DENND4A: variants seen among roughly 807,000 people sequenced by gnomAD.
DENND4A encodes C-myc promoter-binding protein.
DENND4A carries 70 observed loss-of-function variants against 199.3 expected under a neutral mutation model. The ratio of observed to expected loss-of-function variants is 0.35; its 90% CI spans 0.29 to 0.43. DENND4A has a LOEUF of 0.43. Among genes scored for constraint, DENND4A ranks in the 20% least tolerant of loss-of-function variants. The pLI is 1.00. For missense variants in DENND4A, 1,723 were observed against 2,255.8 expected (o/e 0.76, Z 4.78); for synonymous variants, 686 against 766.9 (o/e 0.89, Z 1.74).
At chr15:65,701,239 G>C in intron 18 of DENND4A, 47 bp from the exon 19 acceptor site, 3 of 1,410,344 alleles carry the variant, frequency 2.1e-6, no homozygotes, top group Non-Finnish European at 2.8e-6. Flanking sequence ...ATTTTTATAA[G>C]TGAACATATA....
chr15:65,744,911 T>G (rs62014404), intron 4 of DENND4A, among the ~76,000 whole-genome samples: 1 of 152,318 alleles, frequency 6.6e-6, no homozygotes, highest in Non-Finnish European at 1.5e-5. Flanking sequence ...AGGTAACGAC[T>G]AAAACTTTGG....
intron 25 of DENND4A, among the ~76,000 whole-genome samples, chr15:65,670,979 TA>T (rs2076198760): frequency 2.0e-5 from 3 of 152,184 alleles, no homozygotes; most frequent in Non-Finnish European, 2.9e-5. Context: ...AGTGAAAAAG[TA>T]TAACTTTTTC....
intron 14 of DENND4A, among the ~76,000 whole-genome samples, chr15:65,706,509 T>TA (rs1555422316): frequency 0.065 from 6,070 of 93,668 alleles, 206 homozygotes; most frequent in East Asian, 0.35. Flanking sequence ...TATATATATA[T>TA]TTTTTTTTGA....
At chr15:65,665,731 T>G (rs1388178848) in intron 29 of DENND4A, among the ~76,000 whole-genome samples, 1 of 152,188 alleles carries the variant, frequency 6.6e-6, no homozygotes, top group Non-Finnish European at 1.5e-5. Flanking sequence ...CTCTTGCTCA[T>G]GATTGAAAGT....
rs369290999 is a variant in DENND4A, at chr15:65,722,979, G to A, written c.1488-31C>T. The A allele has an allele frequency of 6.5e-6, 10 of 1,541,606 alleles. No homozygotes were observed. In the African/African-American group the frequency reaches 1.4e-4, roughly 21 times the overall value. On this transcript the variant is annotated intron_variant, in intron 11 of 32. Transcript: ENST00000443035. ...ATTAAATAACAACAGGAATATATTTGTTACATGGTCTTTTGGAGGGGAAAG... is the reference window on the plus strand; with the variant it reads ...ATTAAATAACAACAGGAATATATTTATTACATGGTCTTTTGGAGGGGAAAG...
chr15:65,717,363 T>C (rs1051982045), intron 13 of DENND4A, among the ~76,000 whole-genome samples: 8 of 152,240 alleles, frequency 5.3e-5, no homozygotes, highest in African/African-American at 1.7e-4. Flanking sequence ...TTGTAAATAT[T>C]TGTAAAGTAC....
rs376339118 is a variant in DENND4A at position 65,729,126 on chromosome 15, T to C, written c.1433A>G (p.Tyr478Cys). ...ACAACTGACATCTGGTGGAGGATCA[T>C]AGAGATCAAAGTATCTTGAATCAAT... ...VGIDSRYFDL[Y>C]DPPPDVSCVD... is the part of the protein sequence containing the mutation. Residue 478 changes from tyrosine to cysteine, a missense_variant, in exon 11 of 33, where the codon TAT becomes TGT. Tyr to Cys is a radical substitution (Grantham distance 194, BLOSUM62 -2). Around this residue, in one of 6 missense-constraint regions of DENND4A, gnomAD observed 725 missense variants for 952.9 expected, o/e 0.76. Transcript: ENST00000443035. The C allele has an allele frequency of 5.6e-6, 9 of 1,593,532 alleles. No individual in the cohort carries two copies. In the African/African-American group the frequency reaches 8.0e-5, roughly 14 times the overall value.
chr15:65,743,411 T>G (rs2076308915), intron 4 of DENND4A, among the ~76,000 whole-genome samples: 2 of 152,208 alleles, frequency 1.3e-5, no homozygotes, highest in South Asian at 4.1e-4. Context: ...AAACATTCTT[T>G]GCCTGTGATA....
Position 65,691,013 on chromosome 15 carries a change from T to C in DENND4A, c.3581A>G (p.Asn1194Ser), listed in dbSNP as rs1167579675. 2.5e-6 allele frequency: 4 copies of C among 1,611,084 alleles called. No homozygotes were observed. Among genetic ancestry groups the C allele is most frequent in the Non-Finnish European group, 3.4e-6 (4 of 1,178,506 alleles). The stretch of plus-strand genomic sequence containing the variant: ...AAAAGGTTTTACTGAAAAGCTGCTG[T>C]TCATACGTTGAATCCTCTTGGGATT... Reference protein sequence around the residue: ...TQNPKRIQRMNSSFSVKPFEK... With the variant: ...TQNPKRIQRMSSSFSVKPFEK... The change falls in exon 23 of 33, where the codon AAC becomes AGC. Residue 1194 changes from asparagine (N) to serine (S), a missense_variant. Coordinates refer to ENST00000443035, the MANE Select transcript of DENND4A (RefSeq NM_001320835.1).
chr15:65,703,178 G>A (rs1465871904), intron 15 of DENND4A, among the ~76,000 whole-genome samples, 170 bp from the exon 16 acceptor site: 1 of 152,062 alleles, frequency 6.6e-6, no homozygotes, highest in Non-Finnish European at 1.5e-5. Flanking sequence ...TGCTAATGTT[G>A]CTCTTCTTAC....
intron 24 of DENND4A, 45 bp downstream of exon 24, chr15:65,676,400 G>C: frequency 7.2e-7 from 1 of 1,393,970 alleles, no homozygotes; most frequent in Non-Finnish European, 9.6e-7. Context: ...CAATTCAAAT[G>C]AAACTACAAA....
intron 15 of DENND4A, among the ~76,000 whole-genome samples, chr15:65,704,174 C>T (rs576184810): frequency 6.6e-6 from 1 of 152,154 alleles, no homozygotes; most frequent in East Asian, 1.9e-4. Flanking sequence ...TTTTGTGTGT[C>T]TTATTTCAAA....
At chr15:65,746,213 G>A (rs934201565) in intron 4 of DENND4A, among the ~76,000 whole-genome samples, 1 of 151,446 alleles carries the variant, frequency 6.6e-6, no homozygotes, top group South Asian at 2.1e-4. Context: ...GAAAAAAGAA[G>A]GAGGCATTGT....
intron 4 of DENND4A, 68 bp downstream of exon 4, chr15:65,752,311 A>ATTTTTTTTT: frequency 6.6e-6 from 3 of 452,994 alleles, no homozygotes; most frequent in South Asian, 6.6e-5. Context: ...AAAAAAAAAA[A>ATTTTTTTTT]AAGATGTATT....
chr15:65,693,255 T>A (rs1462525502), intron 22 of DENND4A, among the ~76,000 whole-genome samples: 1 of 152,120 alleles, frequency 6.6e-6, no homozygotes, highest in Non-Finnish European at 1.5e-5. Context: ...GAAAAATTAT[T>A]TCCTGAAAAA....
intron 1 of DENND4A, among the ~76,000 whole-genome samples, chr15:65,791,115 C>T (rs753302997): frequency 8.5e-5 from 13 of 152,196 alleles, no homozygotes; most frequent in Non-Finnish European, 1.3e-4. Flanking sequence ...TTTCTGCCCT[C>T]ACGGGTCTCT....
At chr15:65,666,977 A>ATTATTTGT (rs1323967954) in intron 29 of DENND4A, among the ~76,000 whole-genome samples, 3 of 152,174 alleles carry the variant, frequency 2.0e-5, no homozygotes, top group African/African-American at 7.2e-5. Flanking sequence ...AGAAGAAAAT[A>ATTATTTGT]TTATTTGTAA....
At chr15:65,724,019 A>G (rs1431041569) in intron 11 of DENND4A, among the ~76,000 whole-genome samples, 1 of 152,154 alleles carries the variant, frequency 6.6e-6, no homozygotes, top group Non-Finnish European at 1.5e-5. Flanking sequence ...AAAGCATTGC[A>G]AAGCATTTGG....
intron 11 of DENND4A, among the ~76,000 whole-genome samples, chr15:65,723,969 A>T (rs921248925): frequency 6.6e-6 from 1 of 152,120 alleles, no homozygotes; most frequent in African/African-American, 2.4e-5. Flanking sequence ...GTTGGTCTCT[A>T]AACCATACAT....
Sources: allele counts gnomAD v4.1 joint callset (sites outside exome capture counted in the v4.1 genomes callset), GRCh38; gene constraint gnomAD v4.1.1; regional missense constraint gnomAD v4.1.1; transcripts MANE v1.5; gene names NCBI Gene and HGNC (gene_info 2026-07-23, HGNC 2026-07-21).